The following CDH20 variants were observed in gnomAD, a reference collection of about 807,000 sequenced individuals.
The protein encoded by CDH20 is cadherin-20.
A neutral mutation model predicts 74.2 loss-of-function variants in CDH20; 29 were observed. The ratio of observed to expected loss-of-function variants is 0.39; its 90% CI spans 0.29 to 0.53. CDH20 has a LOEUF of 0.53. CDH20 is among the 20% of genes least tolerant of loss of function. The probability of loss-of-function intolerance (pLI) is 0.69; values close to 1 mark genes in which losing one functional copy is unlikely to be tolerated. For synonymous variants in CDH20, 469 were observed against 405.4 expected (o/e 1.16, Z -1.88); for missense variants, 988 against 1,048.3 (o/e 0.94, Z 0.79).
At chr18:61,417,982 G>C (rs1912747186) in intron 1 of CDH20, among the ~76,000 whole-genome samples, 1 of 152,094 alleles carries the variant, frequency 6.6e-6, no homozygotes, top group Non-Finnish European at 1.5e-5. Flanking sequence ...TAAAACAGTT[G>C]TCCTGATTTT....
rs138529461 is a variant in CDH20, at chr18:61,442,144, A to G, written c.-152-48258A>G. 3.9e-3 allele frequency among the ~76,000 whole-genome samples: 590 copies of G among 152,146 alleles called. 1 individual carries two copies. Among genetic ancestry groups the G allele is most frequent in the African/African-American group, 0.014 (565 of 41,534 alleles). The stretch of plus-strand genomic sequence containing the variant: ...GGAGGAAGACTGCAGGAGGCCAGGA[A>G]TTCGAGACCAGCCTGGGCAACATGG... On this transcript the variant is annotated intron_variant, in intron 1 of 11. Coordinates refer to ENST00000262717, the MANE Select transcript of CDH20 (RefSeq NM_031891.4).
chr18:61,429,085 G>A (rs1000721616), intron 1 of CDH20, among the ~76,000 whole-genome samples: 3 of 152,064 alleles, frequency 2.0e-5, no homozygotes, highest in Non-Finnish European at 4.4e-5. Context: ...GGTGGTGAGG[G>A]GGGTTTTATC....
chr18:61,465,225 C>A, intron 1 of CDH20, among the ~76,000 whole-genome samples: 1 of 152,120 alleles, frequency 6.6e-6, no homozygotes, highest in Non-Finnish European at 1.5e-5. Context: ...GAACACCTTA[C>A]TTTCTACACA....
At chr18:61,449,156 A>G (rs992504012) in intron 1 of CDH20, among the ~76,000 whole-genome samples, 6 of 152,178 alleles carry the variant, frequency 3.9e-5, no homozygotes, top group African/African-American at 1.4e-4. Context: ...ACTCAAACCT[A>G]TAACGACCTC....
intron 1 of CDH20, among the ~76,000 whole-genome samples, chr18:61,360,723 C>A (rs1489650875): frequency 6.6e-6 from 1 of 152,180 alleles, no homozygotes; most frequent in Non-Finnish European, 1.5e-5. Flanking sequence ...AGGAACAGTG[C>A]ATGACAGGTT....
intron 1 of CDH20, among the ~76,000 whole-genome samples, chr18:61,481,362 T>G (rs1015684455): frequency 1.3e-5 from 2 of 152,206 alleles, no homozygotes; most frequent in African/African-American, 4.8e-5. Flanking sequence ...TTAAAGAAGA[T>G]TATTATTCTC....
At chr18:61,468,019 C>A (rs1442511039) in intron 1 of CDH20, among the ~76,000 whole-genome samples, 1 of 152,110 alleles carries the variant, frequency 6.6e-6, no homozygotes, top group African/African-American at 2.4e-5. Context: ...TAAGTACTTG[C>A]CCAAGTTTAC....
intron 1 of CDH20, among the ~76,000 whole-genome samples, chr18:61,377,577 T>G (rs1480931864): frequency 1.3e-5 from 2 of 152,004 alleles, no homozygotes; most frequent in Admixed American, 1.3e-4. Flanking sequence ...TTCAGAAATA[T>G]ATTTTATTTC....
At chr18:61,370,703 G>A (rs1393372702) in intron 1 of CDH20, among the ~76,000 whole-genome samples, 5 of 152,022 alleles carry the variant, frequency 3.3e-5, no homozygotes, top group Non-Finnish European at 2.9e-5. Context: ...ATTATTAACT[G>A]TAGTCTGATT....
chr18:61,424,344 A>G (rs1340293381), intron 1 of CDH20, among the ~76,000 whole-genome samples: 1 of 152,256 alleles, frequency 6.6e-6, no homozygotes, highest in Non-Finnish European at 1.5e-5. Context: ...TGCTACAAGC[A>G]CTGAAGACTT....
At chr18:61,380,247 A>G (rs895656762) in intron 1 of CDH20, among the ~76,000 whole-genome samples, 8 of 152,184 alleles carry the variant, frequency 5.3e-5, no homozygotes, top group African/African-American at 1.9e-4. Context: ...AAATCAGTGT[A>G]TTTTCAGGAG....
At chr18:61,451,564 G>T (rs1909388040) in intron 1 of CDH20, among the ~76,000 whole-genome samples, 1 of 152,058 alleles carries the variant, frequency 6.6e-6, no homozygotes, top group Non-Finnish European at 1.5e-5. Flanking sequence ...ATCAGGGCCT[G>T]ATTTAGTGCT....
chr18:61,382,722 T>C (rs1911472708), intron 1 of CDH20, among the ~76,000 whole-genome samples: 1 of 152,208 alleles, frequency 6.6e-6, no homozygotes, highest in African/African-American at 2.4e-5. Context: ...ATCCTGTGAA[T>C]GGCAGCAAAT....
chr18:61,415,834 A>G (rs967727536), intron 1 of CDH20, among the ~76,000 whole-genome samples: 6 of 152,068 alleles, frequency 3.9e-5, no homozygotes, highest in Non-Finnish European at 7.4e-5. Flanking sequence ...CTCCTCTTAT[A>G]CTATTCTTAA....
At chr18:61,422,541 G>A (rs1191480149) in intron 1 of CDH20, among the ~76,000 whole-genome samples, 1 of 152,042 alleles carries the variant, frequency 6.6e-6, no homozygotes, top group Non-Finnish European at 1.5e-5. Context: ...GCTGTTATCA[G>A]AAGAAAACTC....
At chr18:61,479,871 G>T (rs1476793698) in intron 1 of CDH20, among the ~76,000 whole-genome samples, 1 of 151,976 alleles carries the variant, frequency 6.6e-6, no homozygotes, top group Non-Finnish European at 1.5e-5. Context: ...TTTCTCTTGG[G>T]TCCTATATCT....
At chr18:61,370,009 C>G (rs1214648418) in intron 1 of CDH20, among the ~76,000 whole-genome samples, 1 of 151,926 alleles carries the variant, frequency 6.6e-6, no homozygotes, top group Non-Finnish European at 1.5e-5. Context: ...CAACAAAGCC[C>G]CATGACACAA....
chr18:61,391,579 G>A (rs1312847871), intron 1 of CDH20: 2 of 152,222 alleles, frequency 1.3e-5, no homozygotes, highest in Non-Finnish European at 2.9e-5. Context: ...TTTTTGAAAT[G>A]TAGAGACAGA....
chr18:61,542,833 G>A (rs1913088717), intron 9 of CDH20, among the ~76,000 whole-genome samples: 1 of 152,162 alleles, frequency 6.6e-6, no homozygotes, highest in Non-Finnish European at 1.5e-5. Context: ...AGCAAGGCAG[G>A]AGGGGAAGGT....
Sources: gnomAD v4.1 joint callset for allele counts (sites outside exome capture counted in the v4.1 genomes callset) on GRCh38, gnomAD v4.1.1 for gene constraint, MANE v1.5 for transcripts, NCBI Gene and HGNC (gene_info 2026-07-23, HGNC 2026-07-21) for gene names.